ASXL2: variants seen among roughly 807,000 people sequenced by gnomAD.
The protein encoded by ASXL2 is ASXL transcriptional regulator 2.
ASXL2 carries 23 observed loss-of-function variants against 122.0 expected under a neutral mutation model. The observed-to-expected ratio is 0.19, with a 90% confidence interval of 0.14 to 0.27. The LOEUF is 0.27. ASXL2 is among the 10% of genes least tolerant of loss of function. The probability of loss-of-function intolerance (pLI) is 1.00; values close to 1 mark genes in which losing one functional copy is unlikely to be tolerated. For missense variants in ASXL2, 1,518 were observed against 1,713.8 expected, an observed-to-expected ratio of 0.89 and a Z score of 2.02; for synonymous variants, 650 against 637.0, an observed-to-expected ratio of 1.02 and a Z score of -0.31.
At chr2:25,768,509 G>A (rs1165512491) in intron 7 of ASXL2, among the ~76,000 whole-genome samples, 1 of 152,050 alleles carries the variant, frequency 6.6e-6, no homozygotes, top group Admixed American at 6.6e-5. Flanking sequence ...TCACTATTTT[G>A]CCCAGGCTGG....
At chr2:25,793,557 G>A (rs1369024926) in intron 5 of ASXL2, among the ~76,000 whole-genome samples, 2 of 152,196 alleles carry the variant, frequency 1.3e-5, no homozygotes, top group Non-Finnish European at 2.9e-5. Context: ...GTATTAGGGA[G>A]AGATCAGACA....
chr2:25,757,531 C>T (rs1296375169), intron 9 of ASXL2, among the ~76,000 whole-genome samples: 12 of 149,840 alleles, frequency 8.0e-5, no homozygotes, highest in Admixed American at 4.0e-4. Context: ...AAAAACTAGC[C>T]GGGCATGGTG....
chr2:25,818,244 C>T (rs1235916260), intron 3 of ASXL2, among the ~76,000 whole-genome samples: 3 of 152,212 alleles, frequency 2.0e-5, no homozygotes, highest in Admixed American at 2.0e-4. Flanking sequence ...CGCAGTGGCT[C>T]ACGCCTGTAA....
intron 8 of ASXL2, among the ~76,000 whole-genome samples, chr2:25,761,388 A>G: frequency 6.6e-6 from 1 of 152,120 alleles, no homozygotes; most frequent in East Asian, 1.9e-4. Context: ...AAAAGGAATG[A>G]AAGAGGCTGG....
intron 6 of ASXL2, among the ~76,000 whole-genome samples, chr2:25,771,234 A>T (rs1323536693): frequency 6.6e-6 from 1 of 152,220 alleles, no homozygotes; most frequent in East Asian, 1.9e-4. Context: ...TCTGTCTCAG[A>T]AAAACAAAGT....
At chr2:25,861,150 A>C (rs2089839612) in intron 1 of ASXL2, among the ~76,000 whole-genome samples, 1 of 152,218 alleles carries the variant, frequency 6.6e-6, no homozygotes, top group African/African-American at 2.4e-5. Context: ...TGAAAACAAG[A>C]AATCAATACG....
intron 3 of ASXL2, among the ~76,000 whole-genome samples, chr2:25,826,136 T>C (rs1346090344): frequency 6.6e-6 from 1 of 152,232 alleles, no homozygotes; most frequent in East Asian, 1.9e-4. Flanking sequence ...TTTATAAGTC[T>C]ACCTTTATGA....
chr2:25,807,876 A>G (rs2089105937), intron 3 of ASXL2, among the ~76,000 whole-genome samples: 1 of 152,114 alleles, frequency 6.6e-6, no homozygotes, highest in Admixed American at 6.5e-5. Flanking sequence ...ACAGTACCCA[A>G]AAATTTCCTG....
At chr2:25,877,002 T>G (rs183275994) in intron 1 of ASXL2, among the ~76,000 whole-genome samples, 1 of 152,296 alleles carries the variant, frequency 6.6e-6, no homozygotes, top group Admixed American at 6.5e-5. Context: ...AGCCGAGCGG[T>G]GAAATAAATG....
chr2:25,770,310 A>G (rs1442147826), intron 6 of ASXL2, among the ~76,000 whole-genome samples: 1 of 152,032 alleles, frequency 6.6e-6, no homozygotes, highest in Non-Finnish European at 1.5e-5. Context: ...CTGGGTTCAA[A>G]TGATTCTCTC....
chr2:25,839,888 CT>C lies in ASXL2; in HGVS notation c.141-4349del, dbSNP rs61637569. On this transcript the variant is annotated intron_variant, in intron 2 of 12. Coordinates refer to ENST00000435504, the MANE Select transcript of ASXL2 (RefSeq NM_018263.6). ...CTATAGGCTTGCACTACCATGTTTTCTTTTTTTTTTTTTTCTTTTTTTTGTA... is the reference window on the plus strand; with the variant it reads ...CTATAGGCTTGCACTACCATGTTTTCTTTTTTTTTTTTTCTTTTTTTTGTA... 5.8e-3 allele frequency among the ~76,000 whole-genome samples: 796 copies of C among 136,418 alleles called. 6 individuals carry two copies. The highest frequency in any genetic ancestry group is 0.015 in the African/African-American group (548 of 37,294). 89.5% of individuals were successfully genotyped at this position (136,418 alleles called of 152,430 possible). A position where few individuals can be genotyped will look rare whatever the true frequency, so the allele number is the denominator to read the frequency against.
chr2:25,852,830 T>C (rs1231490918), intron 1 of ASXL2, among the ~76,000 whole-genome samples: 1 of 152,198 alleles, frequency 6.6e-6, no homozygotes, highest in Non-Finnish European at 1.5e-5. Context: ...CAGAAATGTA[T>C]CCCCTGTATT....
chr2:25,743,946 G>A lies in ASXL2; in HGVS notation c.2391C>T (p.His797=). The A allele has an allele frequency of 6.2e-7, 1 of 1,613,984 alleles. No homozygotes were observed. The highest frequency in any genetic ancestry group is 1.3e-5 in the African/African-American group (1 of 75,026). Residue 797 remains histidine (H), a synonymous_variant, in exon 13 of 13, where the codon CAC becomes CAT. Coordinates refer to ENST00000435504, the MANE Select transcript of ASXL2 (RefSeq NM_018263.6). Reference sequence around the variant, plus strand: ...GTTTTTCATTATCCAATTTCTCTATGTGGGCTGGTGATGGGACACTTGTGC... The same window carrying A: ...GTTTTTCATTATCCAATTTCTCTATATGGGCTGGTGATGGGACACTTGTGC... ...GACTSVPSPA[H]IEKLDNEKLN...
intron 1 of ASXL2, among the ~76,000 whole-genome samples, chr2:25,871,292 G>C (rs988078045): frequency 1.3e-5 from 2 of 151,442 alleles, no homozygotes; most frequent in Admixed American, 6.6e-5. Context: ...CTTTCGTAGA[G>C]GGGGGGAAAA....
chr2:25,829,728 C>T (rs113530633), intron 3 of ASXL2, among the ~76,000 whole-genome samples: 5 of 152,240 alleles, frequency 3.3e-5, no homozygotes, highest in Non-Finnish European at 5.9e-5. Context: ...AAATGACTTT[C>T]GTTGCAAGTT....
At chr2:25,830,469 T>C (rs1271914052) in intron 3 of ASXL2, among the ~76,000 whole-genome samples, 8 of 151,974 alleles carry the variant, frequency 5.3e-5, no homozygotes, top group Non-Finnish European at 1.2e-4. Flanking sequence ...CCGTCTCTAG[T>C]ACAAAAAGTA....
intron 12 of ASXL2, among the ~76,000 whole-genome samples, chr2:25,746,274 A>G (rs1354536476): frequency 6.6e-6 from 1 of 152,174 alleles, no homozygotes; most frequent in African/African-American, 2.4e-5. Context: ...CTGATTCTCT[A>G]ATTCCGAAGT....
In ASXL2 at chr2:25,743,888, A is replaced by T; in HGVS notation, c.2449T>A (p.Ser817Thr). ...CTGGGCCCTTGTGGATGGCTGACAG[A>T]GGCCACTGTGGCTGTTGCTCTGGTG... ...NPTRATATVA[S>T]VSHPQGPSSC... Residue 817 changes from serine (S) to threonine (T), a missense_variant, in exon 13 of 13, where the codon TCT (serine) becomes ACT (threonine). Ser to Thr is a moderately conservative substitution (Grantham distance 58). Transcript: ENST00000435504. 2 of 1,613,992 alleles carry T rather than the reference A, an allele frequency of 1.2e-6. No individual in the cohort carries two copies. Among genetic ancestry groups the T allele is most frequent in the Non-Finnish European group, 1.7e-6 (2 of 1,179,888 alleles).
At chr2:25,791,824 CAT>C (rs534475725) in intron 5 of ASXL2, among the ~76,000 whole-genome samples, 66 of 152,272 alleles carry the variant, frequency 4.3e-4, no homozygotes, top group African/African-American at 1.4e-3. Flanking sequence ...AATATAAACA[CAT>C]GTGATTTATG....
Sources: allele counts gnomAD v4.1 joint callset (sites outside exome capture counted in the v4.1 genomes callset), GRCh38; gene constraint gnomAD v4.1.1; transcripts MANE v1.5; gene names NCBI Gene and HGNC (gene_info 2026-07-23, HGNC 2026-07-21).